Variants in IL32 observed in about 807,000 individuals in gnomAD.
IL32 encodes the protein interleukin-32.
IL32 carries 30 observed loss-of-function variants against 16.6 expected under a neutral mutation model. The observed-to-expected ratio is 1.81, with a 90% CI of 1.35 to 2.45. IL32 has a LOEUF of 2.45. IL32 is among the 30% of genes most tolerant of loss of function. The pLI, the probability that IL32 is intolerant of heterozygous loss-of-function variation, is 0.00. For synonymous variants in IL32, 70 were observed against 86.1 expected (o/e 0.81, Z 1.03); for missense variants, 234 against 229.8 (o/e 1.02, Z -0.12).
At chr16:3,068,044 T>C (rs776018925) in intron 5 of IL32, 34 bp downstream of exon 5, 32 of 1,613,566 alleles carry the variant, frequency 2.0e-5, no homozygotes, top group South Asian at 1.5e-4. Context: ...CCAAGCTTAG[T>C]CCCTGGGTCT....
At chr16:3,067,795 G>T (rs539743257) in intron 4 of IL32, 182 bp downstream of exon 4, 16 of 805,180 alleles carry the variant, frequency 2.0e-5, no homozygotes, top group Admixed American at 9.0e-5. Context: ...GACGCCCGGG[G>T]AGACTGAGGG....
intron 5 of IL32, 68 bp from the exon 6 acceptor site, chr16:3,068,112 A>G: frequency 6.2e-7 from 1 of 1,602,328 alleles, no homozygotes; most frequent in Non-Finnish European, 8.5e-7. Flanking sequence ...CACCTGGACC[A>G]GTGGGGGCCA....
chr16:3,067,283 G>GTGTGTGTCTC, intron 2 of IL32, 94 bp from the exon 3 acceptor site: 2 of 535,196 alleles, frequency 3.7e-6, no homozygotes, highest in Non-Finnish European at 3.2e-6. Context: ...GTGTGTGTGT[G>GTGTGTGTCTC]TGTGTGTGTG....
rs745911384 is a variant in IL32 at position 3,068,137 on chromosome 16, C to T, written c.142-43C>T. 1.1e-5 allele frequency: 18 copies of T among 1,599,626 alleles called. No homozygotes were observed. In the African/African-American group the frequency reaches 1.3e-4, roughly 12 times the overall value. On this transcript the variant is annotated intron_variant, in intron 5 of 6. Coordinates refer to ENST00000525643, the MANE Select transcript of IL32 (RefSeq NM_001376923.1). ...AGTGGGGGCCACAGTGGGAAGGGGGCAGGCAGGAGCAGCATGAACCCCCTG... is the reference window on the plus strand; with the variant it reads ...AGTGGGGGCCACAGTGGGAAGGGGGTAGGCAGGAGCAGCATGAACCCCCTG...
intron 2 of IL32, among the ~76,000 whole-genome samples, chr16:3,066,597 C>A (rs72772529): frequency 2.0e-5 from 3 of 151,952 alleles, no homozygotes; most frequent in Admixed American, 2.0e-4. Flanking sequence ...GTGCCTCTGG[C>A]CTCTGTGGAT....
intron 3 of IL32, 50 bp downstream of exon 3, chr16:3,067,465 C>T (rs760959135): frequency 3.1e-6 from 5 of 1,612,968 alleles, no homozygotes; most frequent in Admixed American, 3.3e-5. Flanking sequence ...TGGGTCTCAG[C>T]GTGTGACACT....
intron 6 of IL32, chr16:3,068,683 G>C: frequency 1.5e-5 from 7 of 456,508 alleles, no homozygotes; most frequent in Middle Eastern, 6.3e-4. Flanking sequence ...AGGGCTGGGA[G>C]TGACAGCCTA....
At chr16:3,065,612 T>C, upstream of IL32, 1 of 689,424 alleles carries the variant, frequency 1.5e-6, no homozygotes, top group South Asian at 1.7e-5. Flanking sequence ...ACTTTCCCCA[T>C]AAAACCAGCT....
chr16:3,066,345 G>A (rs541160631), intron 2 of IL32, among the ~76,000 whole-genome samples: 4 of 152,350 alleles, frequency 2.6e-5, no homozygotes, highest in East Asian at 1.9e-4. Flanking sequence ...ACAGTGACCC[G>A]GAGGACACAT....
chr16:3,067,397 G>A lies in IL32; in HGVS notation c.36G>A (p.Lys12=), dbSNP rs780656000. The A allele has an allele frequency of 6.4e-7, 1 of 1,560,560 alleles. No individual in the cohort carries two copies. The highest frequency in any genetic ancestry group is 1.2e-5 in the South Asian group (1 of 83,520). Residue 12 remains lysine (K), a synonymous_variant, in exon 3 of 7, where the codon AAG becomes AAA. Transcript: ENST00000525643. The part of the protein sequence containing the change: ...CFPKVLSDDM[K]KLKARMHQAI... ...CGCAGGTCCTCTCTGATGACATGAA[G>A]AAGCTGAAGGCCCGAATGGTAATGC...
rs764404714 is a variant in IL32 at position 3,067,608 on chromosome 16, G to A, written c.109G>A (p.Gly37Arg). The A allele has an allele frequency of 6.2e-7, 1 of 1,610,060 alleles. No homozygotes were observed. The highest frequency in any genetic ancestry group is 8.5e-7 in the Non-Finnish European group (1 of 1,177,376). Residue 37 changes from glycine to arginine, a missense_variant, in exon 4 of 7, where the codon GGA becomes AGA. By Grantham distance (125) the Gly-to-Arg change is moderately radical. Around this residue, in one of 3 missense-constraint regions of IL32, gnomAD observed 137 missense variants for 80.7 expected, o/e 1.70. Transcript: ENST00000525643. The part of the protein sequence containing the change: ...DKMQNAESGR[G>R]QVMSSLAELE... The stretch of plus-strand genomic sequence containing the variant: ...AATGCAAAATGCAGAATCAGGACGT[G>A]GACAGGTGGGTGGATTTCCCCTCAG...
At chr16:3,068,031 C>T in intron 5 of IL32, 21 bp downstream of exon 5, 1 of 1,613,894 alleles carries the variant, frequency 6.2e-7, no homozygotes, top group South Asian at 1.1e-5. Context: ...GCCTCCCCCT[C>T]CACCAAGCTT....
At chr16:3,066,093 G>A (rs1023777782) in intron 2 of IL32, among the ~76,000 whole-genome samples, 2 of 152,196 alleles carry the variant, frequency 1.3e-5, no homozygotes, top group Non-Finnish European at 2.9e-5. Flanking sequence ...GGGCAGGGGT[G>A]GGGCAGGGCT....
At chr16:3,067,695 G>C in intron 4 of IL32, 82 bp downstream of exon 4, 2 of 1,093,446 alleles carry the variant, frequency 1.8e-6, no homozygotes, top group Non-Finnish European at 1.4e-6. Context: ...AGGGTGAGAA[G>C]GATGAAGAGG....
rs757010100 is a variant in IL32, at chr16:3,068,222, T to G, written c.184T>G (p.Tyr62Asp). The G allele has an allele frequency of 7.5e-6, 12 of 1,599,028 alleles. No individual in the cohort carries two copies. The African/African-American group carries it at 1.5e-4, about 20-fold the overall frequency. The change falls in exon 6 of 7, where the codon TAT becomes GAT. Residue 62 changes from tyrosine (Y) to aspartate (D), a missense_variant. Physicochemically the swap from Tyr to Asp is radical, Grantham distance 160. Coordinates refer to ENST00000525643, the MANE Select transcript of IL32 (RefSeq NM_001376923.1). ...CTACCTGGAGACAGTGGCGGCTTAT[T>G]ATGAGGAGCAGCACCCAGTGAGTAT... ...EGYLETVAAY[Y>D]EEQHPELTPL...
In IL32 at chr16:3,067,559, G is replaced by T. The variant is rs954767005; in HGVS notation, c.60G>T (p.Gln20His). The T allele has an allele frequency of 1.9e-6, 3 of 1,613,918 alleles. No individual in the cohort carries two copies. Among genetic ancestry groups the T allele is most frequent in the Admixed American group, 3.3e-5 (2 of 59,998 alleles). Residue 20 changes from glutamine to histidine, a missense_variant, in exon 4 of 7, where the codon CAG (glutamine) becomes CAT (histidine). Gln to His is a conservative substitution (Grantham distance 24, BLOSUM62 0). This residue lies in a region of IL32 where 137 missense variants were observed against 80.7 expected (regional missense o/e 1.70). Transcript: ENST00000525643. The part of the protein sequence containing the change: ...DMKKLKARMH[Q>H]AIERFYDKMQ... ...AACTCTGCCTCTCTTCACAGCACCA[G>T]GCCATAGAAAGATTTTATGATAAAA...
chr16:3,068,953 C>T (rs1381809073), intron 6 of IL32, 37 bp from the exon 7 acceptor site: 8 of 1,599,378 alleles, frequency 5.0e-6, no homozygotes, highest in Non-Finnish European at 6.8e-6. Flanking sequence ...GCTGACACCC[C>T]CACCTACAGA....
chr16:3,068,880 G>A, intron 6 of IL32, 110 bp from the exon 7 acceptor site: 1 of 1,543,516 alleles, frequency 6.5e-7, no homozygotes, highest in Non-Finnish European at 8.7e-7. Flanking sequence ...ACCAACACCT[G>A]TGGGCCTCCG....
intron 2 of IL32, 51 bp downstream of exon 2, chr16:3,065,877 T>C (rs367665595): frequency 1.2e-6 from 2 of 1,610,538 alleles, no homozygotes; most frequent in African/African-American, 1.3e-5. Flanking sequence ...AAACAGACCG[T>C]AAGGGTGCGG....
Sources: gnomAD v4.1 joint callset for allele counts (sites outside exome capture counted in the v4.1 genomes callset) on GRCh38, gnomAD v4.1.1 for gene constraint, gnomAD v4.1.1 regional missense constraint, MANE v1.5 for transcripts, NCBI Gene and HGNC (gene_info 2026-07-23, HGNC 2026-07-21) for gene names.